Variants in PCDH11X observed in about 807,000 individuals in gnomAD.
PCDH11X encodes protocadherin-11 X-linked.
Under a neutral mutation model 53.3 loss-of-function variants are expected in PCDH11X, and 18 were observed. That is an observed-to-expected ratio of 0.34 (90% CI 0.23 to 0.50). The LOEUF is 0.50. PCDH11X is among the 20% of genes least tolerant of loss of function. PCDH11X has a pLI of 0.98. For synonymous variants in PCDH11X, 279 were observed against 393.3 expected, an observed-to-expected ratio of 0.71 and a Z score of 3.44; for missense variants, 570 against 1,032.4, an observed-to-expected ratio of 0.55 and a Z score of 6.14.
intron 8 of PCDH11X, among the ~76,000 whole-genome samples, chrX:92,364,344 G>C (rs2070413887): frequency 8.9e-6 from 1 of 111,925 alleles, no homozygotes; most frequent in South Asian, 3.7e-4. Flanking sequence ...GCATGTTACT[G>C]TACTGAATAC....
intron 8 of PCDH11X, among the ~76,000 whole-genome samples, chrX:92,338,750 G>A (rs1007044465): frequency 4.5e-5 from 5 of 111,694 alleles, no homozygotes; most frequent in South Asian, 3.7e-4. Flanking sequence ...ATTACTCTGC[G>A]TAAGTGGCTG....
intron 6 of PCDH11X, among the ~76,000 whole-genome samples, chrX:92,186,055 C>T (rs570520471): frequency 2.7e-5 from 3 of 111,582 alleles, no homozygotes; most frequent in African/African-American, 9.8e-5. Context: ...GATGTCTGAA[C>T]CTCATGTTTA....
intron 4 of PCDH11X, among the ~76,000 whole-genome samples, chrX:91,829,701 T>C (rs1373182832): frequency 9.0e-6 from 1 of 111,585 alleles, no homozygotes; most frequent in Non-Finnish European, 1.9e-5. Flanking sequence ...TGTGATCATC[T>C]AGAGAATTTA....
At chrX:92,603,050 T>C (rs1926407445) in intron 10 of PCDH11X, among the ~76,000 whole-genome samples, 1 of 106,561 alleles carries the variant, frequency 9.4e-6, no homozygotes, top group Admixed American at 1.0e-4. Flanking sequence ...TTTTATCAAA[T>C]ACAGAGTATC....
chrX:92,233,634 A>G, intron 7 of PCDH11X, among the ~76,000 whole-genome samples: 1 of 111,890 alleles, frequency 8.9e-6, no homozygotes, highest in Non-Finnish European at 1.9e-5. Flanking sequence ...TTCACAGAAA[A>G]AACAATTATT....
chrX:91,894,966 C>T (rs369459943), intron 6 of PCDH11X, among the ~76,000 whole-genome samples: 1 of 110,496 alleles, frequency 9.1e-6, no homozygotes, highest in Non-Finnish European at 1.9e-5. Context: ...CTCTGGGCAC[C>T]CTTTGTGACC....
At chrX:91,939,208 A>T (rs1012610275) in intron 6 of PCDH11X, among the ~76,000 whole-genome samples, 1 of 111,421 alleles carries the variant, frequency 9.0e-6, no homozygotes, top group African/African-American at 3.3e-5. Flanking sequence ...GAGAGGTAAA[A>T]ATGCACAGGA....
At chrX:91,911,591 C>T (rs1941369347) in intron 6 of PCDH11X, among the ~76,000 whole-genome samples, 1 of 109,228 alleles carries the variant, frequency 9.2e-6, no homozygotes, top group African/African-American at 3.3e-5. Flanking sequence ...GTCCATTAAT[C>T]ATCCCCACTT....
chrX:92,242,661 A>G (rs1371835906), intron 7 of PCDH11X, among the ~76,000 whole-genome samples: 2 of 111,715 alleles, frequency 1.8e-5, no homozygotes, highest in African/African-American at 3.3e-5. Context: ...GCTAGGTCAC[A>G]TGTTTAGTTT....
chrX:92,382,919 A>C (rs2070913040), intron 8 of PCDH11X, among the ~76,000 whole-genome samples: 2 of 109,574 alleles, frequency 1.8e-5, no homozygotes, highest in Non-Finnish European at 3.8e-5. Flanking sequence ...TTTATACTGC[A>C]CAATAATTAT....
intron 1 of PCDH11X, among the ~76,000 whole-genome samples, chrX:91,797,169 T>G (rs1355338427): frequency 9.1e-6 from 1 of 109,984 alleles, no homozygotes; most frequent in Non-Finnish European, 1.9e-5. Context: ...CTGGACAGCT[T>G]AATTGTAGGA....
chrX:92,211,414 A>G (rs908921571), intron 7 of PCDH11X, among the ~76,000 whole-genome samples: 1 of 111,879 alleles, frequency 8.9e-6, no homozygotes, highest in African/African-American at 3.2e-5. Context: ...CCCTCCCTCA[A>G]CATTGGGAAT....
chrX:92,265,433 G>A, intron 8 of PCDH11X, among the ~76,000 whole-genome samples: 1 of 110,927 alleles, frequency 9.0e-6, no homozygotes, highest in Non-Finnish European at 1.9e-5. Context: ...TTAAAACACA[G>A]CAGAGAGTTA....
intron 9 of PCDH11X, among the ~76,000 whole-genome samples, chrX:92,397,593 A>C (rs762363823): frequency 1.6e-4 from 17 of 104,334 alleles, no homozygotes; most frequent in Admixed American, 1.1e-3. Context: ...TGTCTTCTAC[A>C]TTCTTTTAAA....
intron 5 of PCDH11X, among the ~76,000 whole-genome samples, chrX:91,852,036 G>T (rs1476159320): frequency 1.1e-5 from 1 of 94,857 alleles, no homozygotes. Flanking sequence ...TTTTTGAGAC[G>T]GAGTTTCACT....
At chrX:91,940,954 A>T (rs765699396) in intron 6 of PCDH11X, among the ~76,000 whole-genome samples, 174 of 110,952 alleles carry the variant, frequency 1.6e-3, no homozygotes, top group African/African-American at 5.3e-3. Flanking sequence ...AAAATGAAAA[A>T]GTTGTATCTA....
chrX:92,352,428 C>A (rs946781047), intron 8 of PCDH11X, among the ~76,000 whole-genome samples: 1 of 111,449 alleles, frequency 9.0e-6, no homozygotes, highest in Admixed American at 9.5e-5. Context: ...TGGACTTCAC[C>A]TTTTTCTGGT....
intron 10 of PCDH11X, among the ~76,000 whole-genome samples, chrX:92,575,944 T>TATATAC (rs1363794960): frequency 1.5e-4 from 3 of 19,906 alleles, no homozygotes; most frequent in African/African-American, 5.3e-4. Context: ...TATATATATA[T>TATATAC]ACACACACAC....
chrX:92,578,883 A>G (rs894650812), intron 10 of PCDH11X, among the ~76,000 whole-genome samples: 1 of 110,130 alleles, frequency 9.1e-6, no homozygotes, highest in African/African-American at 3.3e-5. Flanking sequence ...GTGGATCATA[A>G]TGGTGCTTCC....
Sources: gnomAD v4.1 joint callset for allele counts (sites outside exome capture counted in the v4.1 genomes callset) on GRCh38, gnomAD v4.1.1 for gene constraint, MANE v1.5 for transcripts, NCBI Gene and HGNC (gene_info 2026-07-23, HGNC 2026-07-21) for gene names.